The following CNTN5 variants were observed in gnomAD, a reference collection of about 807,000 sequenced individuals.
CNTN5 encodes the protein contactin-5.
A neutral mutation model predicts 129.1 loss-of-function variants in CNTN5; 77 were observed. That is an observed-to-expected ratio of 0.60 (90% CI 0.50 to 0.72). The LOEUF is 0.72. Ranked by LOEUF, CNTN5 falls within the 30% of genes least tolerant of loss-of-function variation. The pLI is 0.00. For missense variants in CNTN5, 1,478 were observed against 1,328.8 expected, an observed-to-expected ratio of 1.11 and a Z score of -1.75; for synonymous variants, 509 against 465.6, an observed-to-expected ratio of 1.09 and a Z score of -1.20.
In CNTN5 at chr11:99,841,899, T is replaced by C. The variant is rs868265694; in HGVS notation, c.278-2953T>C. Among the ~76,000 whole-genome samples, 112 of 148,298 alleles carry C rather than the reference T, an allele frequency of 7.6e-4. 1 individual carries two copies. The highest frequency in any genetic ancestry group is 2.3e-3 in the South Asian group (11 of 4,700). On this transcript the variant is annotated intron_variant, in intron 4 of 24. Coordinates refer to ENST00000524871, the MANE Select transcript of CNTN5 (RefSeq NM_014361.4). ...ACATACATATACATATATATATATT[T>C]TTTTTTTATGGAGTTTCACTCTTGT...
At chr11:99,206,035 T>C (rs1412704023) in intron 1 of CNTN5, among the ~76,000 whole-genome samples, 1 of 152,156 alleles carries the variant, frequency 6.6e-6, no homozygotes, top group Non-Finnish European at 1.5e-5. Context: ...TATGTGCTCC[T>C]CTGTGAGGTC....
intron 13 of CNTN5, among the ~76,000 whole-genome samples, 168 bp from the exon 14 acceptor site, chr11:100,190,958 A>T (rs529664173): frequency 2.0e-5 from 3 of 152,252 alleles, no homozygotes; most frequent in African/African-American, 7.2e-5. Flanking sequence ...TAAGCTTATT[A>T]TACTTCTTGA....
intron 1 of CNTN5, among the ~76,000 whole-genome samples, chr11:99,141,966 G>T (rs1258813450): frequency 6.6e-6 from 1 of 152,136 alleles, no homozygotes; most frequent in East Asian, 1.9e-4. Flanking sequence ...TTCTTTCGTT[G>T]TTTGGTGCAG....
intron 16 of CNTN5, among the ~76,000 whole-genome samples, chr11:100,253,553 TAC>T (rs1242460794): frequency 6.6e-6 from 1 of 152,140 alleles, no homozygotes; most frequent in African/African-American, 2.4e-5. Context: ...TACAGTACAA[TAC>T]AGTGAGATTA....
chr11:99,143,159 A>G (rs1859606859), intron 1 of CNTN5, among the ~76,000 whole-genome samples: 1 of 152,064 alleles, frequency 6.6e-6, no homozygotes, highest in Admixed American at 6.6e-5. Context: ...ACATTAAGGC[A>G]GAAATCTTTA....
intron 18 of CNTN5, among the ~76,000 whole-genome samples, chr11:100,289,490 C>G (rs1002142996): frequency 1.3e-5 from 2 of 151,804 alleles, no homozygotes; most frequent in Non-Finnish European, 2.9e-5. Flanking sequence ...AGCATATAAA[C>G]AGAGCCAAAG....
At chr11:99,493,401 A>G (rs1025744979) in intron 2 of CNTN5, among the ~76,000 whole-genome samples, 1 of 152,184 alleles carries the variant, frequency 6.6e-6, no homozygotes, top group African/African-American at 2.4e-5. Flanking sequence ...ACTCCAATAA[A>G]TGCCATGTGT....
chr11:100,250,433 T>C (rs1427773100), intron 16 of CNTN5, among the ~76,000 whole-genome samples: 1 of 152,014 alleles, frequency 6.6e-6, no homozygotes, highest in Non-Finnish European at 1.5e-5. Context: ...TTATTGAGGG[T>C]CTAATTGTAT....
intron 3 of CNTN5, among the ~76,000 whole-genome samples, chr11:99,677,699 G>GT (rs1953352921): frequency 6.6e-6 from 1 of 151,748 alleles, no homozygotes; most frequent in Non-Finnish European, 1.5e-5. Context: ...GTTCAAAACT[G>GT]TTTATTTTAT....
At chr11:99,063,616 G>T (rs1013709246) in intron 1 of CNTN5, among the ~76,000 whole-genome samples, 1 of 151,944 alleles carries the variant, frequency 6.6e-6, no homozygotes, top group Admixed American at 6.6e-5. Flanking sequence ...CACATTAAAG[G>T]AGTCATAATT....
At chr11:99,609,923 T>A (rs1950544669) in intron 3 of CNTN5, among the ~76,000 whole-genome samples, 1 of 152,150 alleles carries the variant, frequency 6.6e-6, no homozygotes, top group Non-Finnish European at 1.5e-5. Flanking sequence ...TTAATGGAAA[T>A]TCCTCATGTT....
chr11:99,855,138 A>C (rs1355659611), intron 6 of CNTN5, among the ~76,000 whole-genome samples: 1 of 152,032 alleles, frequency 6.6e-6, no homozygotes, highest in Non-Finnish European at 1.5e-5. Flanking sequence ...GCAAGCCCTC[A>C]TCTCTACCAA....
chr11:100,341,981 TA>T (rs1453543131), intron 23 of CNTN5, among the ~76,000 whole-genome samples: 20 of 151,948 alleles, frequency 1.3e-4, no homozygotes, highest in African/African-American at 4.6e-4. Flanking sequence ...AAGCTATCAT[TA>T]TAGGTGGGTT....
chr11:99,403,462 G>GT (rs1434144232), intron 2 of CNTN5, among the ~76,000 whole-genome samples: 1 of 151,798 alleles, frequency 6.6e-6, no homozygotes, highest in African/African-American at 2.4e-5. Flanking sequence ...GTTATTTGAA[G>GT]TTTTTCTCCT....
chr11:99,991,138 G>A (rs910965256), intron 8 of CNTN5, among the ~76,000 whole-genome samples: 1 of 152,182 alleles, frequency 6.6e-6, no homozygotes, highest in Non-Finnish European at 1.5e-5. Flanking sequence ...TGTCACCATT[G>A]GTTATGCTTG....
At chr11:99,682,131 G>A (rs1289764675) in intron 3 of CNTN5, among the ~76,000 whole-genome samples, 4 of 152,150 alleles carry the variant, frequency 2.6e-5, no homozygotes, top group Non-Finnish European at 5.9e-5. Flanking sequence ...CATATAATGA[G>A]TTTCATCTAA....
intron 2 of CNTN5, among the ~76,000 whole-genome samples, chr11:99,445,928 A>G (rs1036649077): frequency 6.6e-6 from 1 of 151,986 alleles, no homozygotes; most frequent in Non-Finnish European, 1.5e-5. Flanking sequence ...TACTAAAAAT[A>G]CAAAAATTAG....
chr11:99,258,501 A>G (rs939864691), intron 1 of CNTN5, among the ~76,000 whole-genome samples: 3 of 152,064 alleles, frequency 2.0e-5, no homozygotes, highest in African/African-American at 7.2e-5. Context: ...TAAATCACTT[A>G]TTTATTTTTT....
chr11:99,743,483 A>G (rs1285896990), intron 3 of CNTN5, among the ~76,000 whole-genome samples: 7 of 152,192 alleles, frequency 4.6e-5, no homozygotes, highest in African/African-American at 1.7e-4. Context: ...TGAACAAGTT[A>G]TTAACCCTCC....
Sources: allele counts gnomAD v4.1 joint callset (sites outside exome capture counted in the v4.1 genomes callset), GRCh38; gene constraint gnomAD v4.1.1; transcripts MANE v1.5; gene names NCBI Gene and HGNC (gene_info 2026-07-23, HGNC 2026-07-21).